The following EXOC3 variants were observed in gnomAD, a reference collection of about 807,000 sequenced individuals.
EXOC3 encodes the protein SEC6-like 1.
A neutral mutation model predicts 73.7 loss-of-function variants in EXOC3; 21 were observed. That is an observed-to-expected ratio of 0.29 (90% CI 0.20 to 0.41). The LOEUF (loss-of-function observed/expected upper bound fraction) is 0.41, where lower values mean the gene tolerates loss of function less well. EXOC3 is among the 10% of genes least tolerant of loss of function. The pLI is 1.00. For synonymous variants in EXOC3, 410 were observed against 389.1 expected (o/e 1.05, Z -0.63); for missense variants, 842 against 985.1 (o/e 0.85, Z 1.95).
Position 453,989 on chromosome 5 carries a change from G to T in EXOC3, c.984G>T (p.Ser328=), listed in dbSNP as rs373197303. ...ALSTRMQDLA[S]EDLEANEIVS... ...GCACGCGGATGCAGGACCTCGCATC[G>T]GAAGACCTGGAAGCCAATGAGATCG... is the stretch of plus-strand genomic sequence containing the variant. The change falls in exon 4 of 13, where the codon TCG becomes TCT. Residue 328 remains serine, a synonymous_variant. Coordinates refer to ENST00000512944, the MANE Select transcript of EXOC3 (RefSeq NM_007277.5). 1.9e-6 allele frequency: 3 copies of T among 1,613,468 alleles called. No individual in the cohort carries two copies. The highest frequency in any genetic ancestry group is 2.5e-6 in the Non-Finnish European group (3 of 1,179,696).
intron 7 of EXOC3, among the ~76,000 whole-genome samples, chr5:460,051 C>T (rs960717717): frequency 6.6e-6 from 1 of 152,220 alleles, no homozygotes; most frequent in Non-Finnish European, 1.5e-5. Flanking sequence ...TCAGGCAAAC[C>T]CCGGGCGCTG....
At chr5:465,918 G>A (rs1738134288) in intron 12 of EXOC3, 73 bp downstream of exon 12, 1 of 1,505,316 alleles carries the variant, frequency 6.6e-7, no homozygotes, top group Admixed American at 2.0e-5. Flanking sequence ...TTCTGTCTGG[G>A]GCGGGTGGGG....
chr5:466,791 A>G lies in EXOC3; in HGVS notation c.2131A>G (p.Ile711Val). ...GDASRDMKQT[I>V]METLEQGPAQ... Reference sequence around the variant, plus strand: ...CGCCAGCCGTGACATGAAGCAGACCATCATGGAGACCCTGGAGCAGGGCCC... The same window carrying G: ...CGCCAGCCGTGACATGAAGCAGACCGTCATGGAGACCCTGGAGCAGGGCCC... The change falls in exon 13 of 13, where the codon ATC becomes GTC. Residue 711 changes from isoleucine to valine, a missense_variant. By Grantham distance (29) the Ile-to-Val change is conservative (BLOSUM62 3). Transcript: ENST00000512944. 1 of 1,613,458 alleles carries G rather than the reference A, an allele frequency of 6.2e-7. No homozygotes were observed. Among genetic ancestry groups the G allele is most frequent in the African/African-American group, 1.3e-5 (1 of 75,048 alleles).
At chr5:447,482 C>T in intron 2 of EXOC3, 51 bp from the exon 3 acceptor site, 1 of 1,329,296 alleles carries the variant, frequency 7.5e-7, no homozygotes, top group Non-Finnish European at 1.0e-6. Context: ...CTTCAGGAGG[C>T]AGCGCATGGC....
At chr5:464,032 G>C (rs1490932103) in intron 9 of EXOC3, among the ~76,000 whole-genome samples, 2 of 152,280 alleles carry the variant, frequency 1.3e-5, no homozygotes, top group Non-Finnish European at 2.9e-5. Flanking sequence ...TAGAAAAGCA[G>C]TGTGACGTAG....
intron 4 of EXOC3, among the ~76,000 whole-genome samples, chr5:455,536 T>C (rs1161145077): frequency 6.6e-6 from 1 of 152,280 alleles, no homozygotes; most frequent in Non-Finnish European, 1.5e-5. Context: ...TTTCTTATAG[T>C]GGACTGGCTC....
At position 453,462 on chromosome 5, in the gene EXOC3, G is replaced by T; in HGVS notation, c.457G>T (p.Asp153Tyr). The change falls in exon 4 of 13, where the codon GAC becomes TAC. Residue 153 changes from aspartate to tyrosine, a missense_variant. Physicochemically the swap from Asp to Tyr is radical, Grantham distance 160. Transcript: ENST00000512944. ...GCTGATGGACCTGGAGTGCTCCCGG[G>T]ACGGGCTGATGTACGAGCAGTACCG... ...RKLMDLECSRDGLMYEQYRMD... is the reference protein window; with the variant it reads ...RKLMDLECSRYGLMYEQYRMD... 1 of 1,613,258 alleles carries T rather than the reference G, an allele frequency of 6.2e-7. No homozygotes were observed.
chr5:446,149 G>A lies in EXOC3; in HGVS notation c.-56-1G>A. 3 of 1,608,248 alleles carry A rather than the reference G, an allele frequency of 1.9e-6. No homozygotes were observed. Among genetic ancestry groups the A allele is most frequent in the Non-Finnish European group, 2.6e-6 (3 of 1,175,126 alleles). ...TTCTACCGTCCTAACAACTCCTGCA[G>A]TGCACAGAGAACACCCCTAGCATGA... On this transcript the variant is annotated splice_acceptor_variant, in intron 1 of 12. Transcript: ENST00000512944. LOFTEE classifies it low-confidence loss of function (5UTR_SPLICE).
chr5:460,942 A>T (rs1184936347), intron 7 of EXOC3, among the ~76,000 whole-genome samples: 1 of 152,260 alleles, frequency 6.6e-6, no homozygotes, highest in Non-Finnish European at 1.5e-5. Context: ...TTAAAAATAG[A>T]AACGGTATTT....
intron 9 of EXOC3, 92 bp from the exon 10 acceptor site, chr5:464,198 C>T (rs1439659847): frequency 4.0e-6 from 5 of 1,250,036 alleles, no homozygotes; most frequent in East Asian, 5.1e-5. Context: ...TCTCGTGGGG[C>T]GTTGAGGTGA....
At chr5:443,895 C>T (rs1403247189) in intron 1 of EXOC3, among the ~76,000 whole-genome samples, 1 of 151,866 alleles carries the variant, frequency 6.6e-6, no homozygotes, top group African/African-American at 2.4e-5. Context: ...CTTCTGGGCA[C>T]AAGCGTCCTT....
Position 458,019 on chromosome 5 carries a change from C to T in EXOC3, c.1284C>T (p.Val428=), listed in dbSNP as rs1420843306. The T allele has an allele frequency of 2.5e-6, 4 of 1,612,352 alleles. No individual in the cohort carries two copies. The highest frequency in any genetic ancestry group is 2.2e-5 in the South Asian group (2 of 90,670). Residue 428 remains valine, a synonymous_variant, in exon 6 of 13, where the codon GTC becomes GTT. Transcript: ENST00000512944. ...GYYQTTLPAI[V]FQMFEQNLQV... Reference sequence around the variant, plus strand: ...ACCAGACCACACTCCCTGCCATTGTCTTCCAGGTACCACCTGCAGGGGACT... The same window carrying T: ...ACCAGACCACACTCCCTGCCATTGTTTTCCAGGTACCACCTGCAGGGGACT...
chr5:454,193 G>T, intron 4 of EXOC3, 142 bp downstream of exon 4: 1 of 671,450 alleles, frequency 1.5e-6, no homozygotes, highest in Non-Finnish European at 2.5e-6. Context: ...TCCAGCCCAG[G>T]GGTGTCTTCT....
chr5:459,283 C>A, intron 6 of EXOC3, 76 bp from the exon 7 acceptor site: 1 of 565,064 alleles, frequency 1.8e-6, no homozygotes, highest in Non-Finnish European at 2.9e-6. Context: ...ATGGAGGTTT[C>A]ATATAACAGC....
chr5:452,381 T>G (rs2126576702), intron 3 of EXOC3, among the ~76,000 whole-genome samples: 1 of 152,366 alleles, frequency 6.6e-6, no homozygotes, highest in African/African-American at 2.4e-5. Flanking sequence ...CTGTTTGGTT[T>G]CCTTTTGGAT....
rs766882799 is a variant in EXOC3, at chr5:457,088, G to T, written c.1164+82G>T. 1.5e-5 allele frequency: 14 copies of T among 949,626 alleles called. No homozygotes were observed. In the Admixed American group the frequency reaches 2.3e-4, roughly 16 times the overall value. 58.8% of individuals were successfully genotyped at this position (949,626 alleles called of 1,614,324 possible). A position where few individuals can be genotyped will look rare whatever the true frequency, so the allele number is the denominator to read the frequency against. The stretch of plus-strand genomic sequence containing the variant: ...GGGCTTGGCAGCAGGCAGGAGGCAG[G>T]GGGGAAATGCCTTAGCGTTGACTTC... On this transcript the variant is annotated intron_variant, in intron 5 of 12. Transcript: ENST00000512944.
intron 1 of EXOC3, among the ~76,000 whole-genome samples, chr5:445,350 TTTC>T (rs1379238362): frequency 5.4e-5 from 3 of 55,462 alleles, no homozygotes; most frequent in Non-Finnish European, 1.2e-4. Flanking sequence ...TTTCTTTTTT[TTTC>T]TTTTTTTTTT....
chr5:465,675 G>C lies in EXOC3; in HGVS notation c.1939-43G>C, dbSNP rs375185130. The C allele has an allele frequency of 3.7e-6, 6 of 1,611,696 alleles. No individual in the cohort carries two copies. In the African/African-American group the frequency reaches 4.0e-5, roughly 11 times the overall value. On this transcript the variant is annotated intron_variant, in intron 11 of 12. Transcript: ENST00000512944. ...AGAATCCAGCTGCTCCCAGCGCCGCGGGACAGCCGAGGGCGGCTCCTCACA... is the reference window on the plus strand; with the variant it reads ...AGAATCCAGCTGCTCCCAGCGCCGCCGGACAGCCGAGGGCGGCTCCTCACA...
In EXOC3 at chr5:462,388, A is replaced by G. The variant is rs754683948; in HGVS notation, c.1653+81A>G. The G allele has an allele frequency of 1.4e-5, 22 of 1,519,904 alleles. No homozygotes were observed. The East Asian group carries it at 5.0e-4, about 34-fold the overall frequency. The allele number at this position is 1,519,904 out of a possible 1,614,324, so 94.2% of individuals were successfully genotyped here. ...ACTGCCCTCTGGGACACAGGCTGTG[A>G]ACTGTACCGTGCGGATGCCGTCTGG... On this transcript the variant is annotated intron_variant, in intron 9 of 12. Coordinates refer to ENST00000512944, the MANE Select transcript of EXOC3 (RefSeq NM_007277.5).
Sources: allele counts gnomAD v4.1 joint callset (sites outside exome capture counted in the v4.1 genomes callset), GRCh38; gene constraint gnomAD v4.1.1; transcripts MANE v1.5; gene names NCBI Gene and HGNC (gene_info 2026-07-23, HGNC 2026-07-21).